MBOAT2: variants seen among roughly 807,000 people sequenced by gnomAD.
The protein encoded by MBOAT2 is membrane bound glycerophospholipid O-acyltransferase 2.
In MBOAT2, 28 loss-of-function variants were observed where a neutral mutation model predicts 63.4. The observed-to-expected ratio is 0.44, with a 90% confidence interval of 0.33 to 0.61. MBOAT2 has a LOEUF of 0.61. Ranked by LOEUF, MBOAT2 falls within the 20% of genes least tolerant of loss-of-function variation. The pLI, the probability that MBOAT2 is intolerant of heterozygous loss-of-function variation, is 0.03. For synonymous variants in MBOAT2, 211 were observed against 215.6 expected, an observed-to-expected ratio of 0.98 and a Z score of 0.19; for missense variants, 470 against 605.8, an observed-to-expected ratio of 0.78 and a Z score of 2.35.
intron 4 of MBOAT2, among the ~76,000 whole-genome samples, chr2:8,889,424 A>G (rs535005628): frequency 5.9e-5 from 9 of 152,240 alleles, no homozygotes; most frequent in African/African-American, 2.2e-4. Context: ...GAAGTGCTTA[A>G]GGGAGGAGAT....
chr2:8,974,343 C>A (rs1037080827), intron 1 of MBOAT2: 6 of 456,222 alleles, frequency 1.3e-5, no homozygotes, highest in Non-Finnish European at 2.6e-5. Context: ...AAAAGGGATA[C>A]AACAAAGATA....
intron 4 of MBOAT2, among the ~76,000 whole-genome samples, chr2:8,901,037 GTTTGT>G (rs1664883330): frequency 6.6e-6 from 1 of 152,124 alleles, no homozygotes; most frequent in South Asian, 2.1e-4. Context: ...CATGGTTTTG[GTTTGT>G]TTTGTTTCTC....
chr2:8,895,003 C>T (rs1287301483), intron 4 of MBOAT2, among the ~76,000 whole-genome samples: 1 of 152,212 alleles, frequency 6.6e-6, no homozygotes, highest in Non-Finnish European at 1.5e-5. Flanking sequence ...GGTTCGTGGT[C>T]TTGCTGACTT....
chr2:8,878,159 T>C (rs118163571), intron 6 of MBOAT2, among the ~76,000 whole-genome samples: 72 of 152,174 alleles, frequency 4.7e-4, no homozygotes, highest in Non-Finnish European at 9.1e-4. Context: ...GGATTGGCTG[T>C]GAGGTGGAGG....
At chr2:8,919,152 C>T (rs756625589) in intron 3 of MBOAT2, among the ~76,000 whole-genome samples, 4 of 152,184 alleles carry the variant, frequency 2.6e-5, no homozygotes, top group Non-Finnish European at 5.9e-5. Context: ...TATCCTTTCA[C>T]CAGCCGGTGA....
chr2:8,950,772 C>A (rs1260378135), intron 2 of MBOAT2, among the ~76,000 whole-genome samples: 1 of 152,130 alleles, frequency 6.6e-6, no homozygotes, highest in Non-Finnish European at 1.5e-5. Context: ...TGGCTGTGGG[C>A]TTATCATTGA....
chr2:8,968,125 C>T (rs896685423), intron 1 of MBOAT2, among the ~76,000 whole-genome samples: 1 of 152,000 alleles, frequency 6.6e-6, no homozygotes, highest in African/African-American at 2.4e-5. Context: ...TGGGAGGCAC[C>T]CCCCAGTAGG....
chr2:8,864,632 T>C (rs1364824815), intron 9 of MBOAT2, among the ~76,000 whole-genome samples: 2 of 151,330 alleles, frequency 1.3e-5, no homozygotes, highest in Non-Finnish European at 2.9e-5. Context: ...GAAGCAGACA[T>C]CCACCGCGAC....
intron 1 of MBOAT2, among the ~76,000 whole-genome samples, chr2:8,992,229 T>C (rs1671961291): frequency 6.6e-6 from 1 of 152,268 alleles, no homozygotes. Context: ...TACTATTTAT[T>C]GAGCACCCAG....
intron 3 of MBOAT2, among the ~76,000 whole-genome samples, chr2:8,934,464 A>G (rs115209582): frequency 1.9e-3 from 295 of 152,346 alleles, no homozygotes; most frequent in African/African-American, 6.6e-3. Context: ...ATCACACACA[A>G]ACCTGTAAGT....
chr2:8,858,579 A>G lies in MBOAT2; in HGVS notation c.*100T>C. ...TATCTATAACTGTCCATTTCCCCCC[A>G]GTTAACTGCTTTTCCAACAAACTCA... On this transcript the variant is annotated 3_prime_UTR_variant, in exon 13 of 13. Transcript: ENST00000305997. 1.2e-6 allele frequency: 1 copy of G among 835,346 alleles called. No individual in the cohort carries two copies. Among genetic ancestry groups the G allele is most frequent in the Non-Finnish European group, 1.9e-6 (1 of 534,122 alleles). The allele number at this position is 835,346 out of a possible 1,614,324, so 51.7% of individuals were successfully genotyped here.
intron 5 of MBOAT2, among the ~76,000 whole-genome samples, chr2:8,885,412 A>G (rs573978285): frequency 1.4e-3 from 220 of 152,350 alleles, no homozygotes; most frequent in Non-Finnish European, 2.3e-3. Context: ...GTCCCAAGAT[A>G]TCTCATTACA....
chr2:8,950,063 T>C (rs1267976622), intron 2 of MBOAT2, among the ~76,000 whole-genome samples: 1 of 152,184 alleles, frequency 6.6e-6, no homozygotes, highest in East Asian at 1.9e-4. Flanking sequence ...CCTAGGTATT[T>C]TTTTTTCTGT....
intron 1 of MBOAT2, among the ~76,000 whole-genome samples, chr2:8,968,516 A>G (rs996014473): frequency 6.6e-6 from 1 of 152,258 alleles, no homozygotes; most frequent in Non-Finnish European, 1.5e-5. Context: ...GCAATGGAAC[A>G]AAGCTGGATG....
At chr2:8,887,889 A>T in intron 5 of MBOAT2, 129 bp downstream of exon 5, 1 of 832,826 alleles carries the variant, frequency 1.2e-6, no homozygotes, top group Non-Finnish European at 2.0e-6. Context: ...AGCACAGTTA[A>T]GTATATTTCC....
intron 1 of MBOAT2, among the ~76,000 whole-genome samples, chr2:8,984,767 A>G (rs1414992703): frequency 6.6e-6 from 1 of 152,202 alleles, no homozygotes; most frequent in Non-Finnish European, 1.5e-5. Context: ...ACTTAAAGTT[A>G]TAAGTGGTAT....
chr2:8,964,037 C>T (rs1442982507), intron 1 of MBOAT2, among the ~76,000 whole-genome samples: 1 of 152,174 alleles, frequency 6.6e-6, no homozygotes, highest in African/African-American at 2.4e-5. Context: ...GACACTAAAC[C>T]ATTAGATGCT....
intron 1 of MBOAT2, among the ~76,000 whole-genome samples, chr2:8,979,487 C>T (rs1198315782): frequency 6.6e-6 from 1 of 151,936 alleles, no homozygotes; most frequent in Non-Finnish European, 1.5e-5. Flanking sequence ...TTATAAGGAC[C>T]GTGATTCTTA....
At chr2:8,968,985 C>T (rs887241236) in intron 1 of MBOAT2, among the ~76,000 whole-genome samples, 7 of 152,158 alleles carry the variant, frequency 4.6e-5, no homozygotes, top group African/African-American at 1.4e-4. Context: ...ACTTCCCCAA[C>T]CTAGAAAGGC....
Sources: allele counts gnomAD v4.1 joint callset (sites outside exome capture counted in the v4.1 genomes callset), GRCh38; gene constraint gnomAD v4.1.1; transcripts MANE v1.5; gene names NCBI Gene and HGNC (gene_info 2026-07-23, HGNC 2026-07-21).